The following GSE1 variants were observed in gnomAD, a reference collection of about 807,000 sequenced individuals.
GSE1 encodes the protein genetic suppressor element 1.
A neutral mutation model predicts 112.6 loss-of-function variants in GSE1; 32 were observed. That is an observed-to-expected ratio of 0.28 (90% CI 0.21 to 0.38). The LOEUF is 0.38. GSE1 is among the 10% of genes least tolerant of loss of function. The pLI, the probability that GSE1 is intolerant of heterozygous loss-of-function variation, is 1.00. For synonymous variants in GSE1, 1,115 were observed against 735.6 expected, an observed-to-expected ratio of 1.52 and a Z score of -8.35; for missense variants, 2,348 against 1,699.2, an observed-to-expected ratio of 1.38 and a Z score of -6.71.
chr16:85,610,443 A>T (rs1407537940), upstream of GSE1, among the ~76,000 whole-genome samples: 2 of 152,344 alleles, frequency 1.3e-5, no homozygotes, highest in African/African-American at 4.8e-5. Flanking sequence ...AAATGGAGGG[A>T]GGCCAGCCTT....
chr16:85,294,335 T>C (rs772464670), intron 1 of GSE1, among the ~76,000 whole-genome samples: 4 of 152,228 alleles, frequency 2.6e-5, no homozygotes, highest in African/African-American at 4.8e-5. Flanking sequence ...ACCTGTACCC[T>C]CTGGAGTCTG....
At chr16:85,268,564 C>T (rs1908500431) in intron 1 of GSE1, among the ~76,000 whole-genome samples, 1 of 152,144 alleles carries the variant, frequency 6.6e-6, no homozygotes, top group African/African-American at 2.4e-5. Context: ...CATCCTCGTT[C>T]AGGTGTCTGA....
chr16:85,201,792 C>T (rs1567607343), intron 1 of GSE1, among the ~76,000 whole-genome samples: 2 of 152,292 alleles, frequency 1.3e-5, no homozygotes, highest in South Asian at 2.1e-4. Context: ...GAGACAAAGC[C>T]GCGTAGCCTT....
intron 2 of GSE1, among the ~76,000 whole-genome samples, chr16:85,400,905 CTG>C (rs1030554797): frequency 2.6e-5 from 4 of 151,868 alleles, no homozygotes; most frequent in African/African-American, 7.3e-5. Flanking sequence ...GTCTGTGTGT[CTG>C]TGTGTGTGCG....
intron 2 of GSE1, among the ~76,000 whole-genome samples, chr16:85,642,879 G>C (rs1375761635): frequency 6.6e-6 from 1 of 152,172 alleles, no homozygotes; most frequent in Non-Finnish European, 1.5e-5. Flanking sequence ...GGCCTGGTCA[G>C]GGCCTGTGGC....
intron 2 of GSE1, among the ~76,000 whole-genome samples, chr16:85,367,287 T>C (rs1163213477): frequency 6.6e-6 from 1 of 152,164 alleles, no homozygotes; most frequent in Non-Finnish European, 1.5e-5. Flanking sequence ...CTGACCGAGC[T>C]CTGATTGTCT....
rs544808570 is a variant in GSE1, at chr16:85,329,542, C to A, written c.2284-27921C>A. On this transcript the variant is annotated intron_variant, in intron 1 of 2. Coordinates refer to the GSE1 transcript ENST00000637419. ...CCCGCTGGCCCCAGGCCTGGGTCTCCGCAGGCTGTGGGAGCCGCTCAGAGG... is the reference window on the plus strand; with the variant it reads ...CCCGCTGGCCCCAGGCCTGGGTCTCAGCAGGCTGTGGGAGCCGCTCAGAGG... 4.6e-5 allele frequency among the ~76,000 whole-genome samples: 7 copies of A among 152,046 alleles called. 1 individual carries two copies. Among genetic ancestry groups the A allele is most frequent in the African/African-American group, 1.4e-4 (6 of 41,518 alleles).
chr16:85,638,263 G>C (rs1034500740), intron 2 of GSE1, among the ~76,000 whole-genome samples: 4 of 152,250 alleles, frequency 2.6e-5, no homozygotes, highest in Non-Finnish European at 5.9e-5. Context: ...CTGGGAAGGA[G>C]AGGAAGAGGA....
intron 2 of GSE1, among the ~76,000 whole-genome samples, chr16:85,475,742 G>A (rs1425482069): frequency 6.6e-6 from 1 of 151,844 alleles, no homozygotes; most frequent in African/African-American, 2.4e-5. Context: ...GAGGAGGCAG[G>A]AGCTTTGGGG....
In GSE1 at chr16:85,663,330, C is replaced by A. The variant is rs1381963114; in HGVS notation, c.2374-14C>A. 6.2e-7 allele frequency: 1 copy of A among 1,613,036 alleles called. No individual in the cohort carries two copies. The highest frequency in any genetic ancestry group is 1.3e-5 in the African/African-American group (1 of 74,978). On this transcript the variant is annotated splice_polypyrimidine_tract_variant and intron_variant, in intron 10 of 15. Transcript: ENST00000253458. ...CAGTGGCTTCAAACTCATTTGTTTT[C>A]TTTCCCAATCTAGAAGCTAGAGTTT...
intron 1 of GSE1, among the ~76,000 whole-genome samples, chr16:85,187,548 A>T (rs11149718): frequency 3.3e-5 from 5 of 151,860 alleles, no homozygotes; most frequent in Non-Finnish European, 5.9e-5. Flanking sequence ...GGCCAGCGCG[A>T]GTACTATCCC....
intron 1 of GSE1, among the ~76,000 whole-genome samples, chr16:85,622,728 C>T (rs920951238): frequency 1.3e-5 from 2 of 152,150 alleles, no homozygotes; most frequent in African/African-American, 2.4e-5. Flanking sequence ...GGAGACCTAC[C>T]TTGGGGTTGA....
intron 1 of GSE1, among the ~76,000 whole-genome samples, chr16:85,251,650 G>A (rs1051155670): frequency 1.3e-5 from 2 of 152,258 alleles, no homozygotes; most frequent in Non-Finnish European, 2.9e-5. Context: ...TGGGCGGTCA[G>A]ACCCTGCCTG....
At chr16:85,532,880 G>A (rs188239829) in intron 2 of GSE1, among the ~76,000 whole-genome samples, 6 of 152,308 alleles carry the variant, frequency 3.9e-5, no homozygotes, top group African/African-American at 1.2e-4. Flanking sequence ...CAAGTCCTGC[G>A]CCTGTGGCCC....
intron 2 of GSE1, among the ~76,000 whole-genome samples, chr16:85,434,709 C>T (rs1021722348): frequency 5.3e-5 from 8 of 152,076 alleles, no homozygotes; most frequent in East Asian, 1.9e-4. Flanking sequence ...TCCCAGCTAC[C>T]GGGGAGGCTG....
At chr16:85,547,312 G>A (rs7498141) in intron 2 of GSE1, among the ~76,000 whole-genome samples, 33,086 of 152,124 alleles carry the variant, frequency 0.22, 4,167 homozygotes, top group South Asian at 0.4. Flanking sequence ...ATTCTCTCAC[G>A]GAATGAAACT....
At chr16:85,629,420 C>T (rs1020830909) in intron 1 of GSE1, among the ~76,000 whole-genome samples, 7 of 152,214 alleles carry the variant, frequency 4.6e-5, no homozygotes, top group African/African-American at 1.7e-4. Context: ...TACGGTGCCC[C>T]ACGTTCCCCT....
upstream of GSE1, among the ~76,000 whole-genome samples, chr16:85,551,458 A>C (rs2044910422): frequency 6.6e-6 from 1 of 152,210 alleles, no homozygotes; most frequent in Non-Finnish European, 1.5e-5. Flanking sequence ...AGCCACAGCC[A>C]AGCCACAAGG....
intron 8 of GSE1, among the ~76,000 whole-genome samples, chr16:85,657,899 T>C (rs1312383427): frequency 6.6e-6 from 1 of 152,212 alleles, no homozygotes; most frequent in Non-Finnish European, 1.5e-5. Context: ...CAGGAGGCCA[T>C]TCACAGCAGA....
Sources: allele counts gnomAD v4.1 joint callset (sites outside exome capture counted in the v4.1 genomes callset), GRCh38; gene constraint gnomAD v4.1.1; transcripts MANE v1.5; gene names NCBI Gene and HGNC (gene_info 2026-07-23, HGNC 2026-07-21).